Variants in NRG3 observed in about 807,000 individuals in gnomAD.
NRG3 encodes pro-neuregulin-3, membrane-bound isoform.
In NRG3, 31 loss-of-function variants were observed where a neutral mutation model predicts 66.9. The observed-to-expected ratio is 0.46, with a 90% CI of 0.35 to 0.63. The LOEUF (loss-of-function observed/expected upper bound fraction) is 0.63, where lower values mean the gene tolerates loss of function less well. NRG3 is among the 20% of genes least tolerant of loss of function. NRG3 has a pLI of 0.00. For synonymous variants in NRG3, 393 were observed against 359.4 expected (o/e 1.09, Z -1.06); for missense variants, 910 against 878.9 (o/e 1.04, Z -0.45).
At chr10:82,493,276 T>C (rs888198848) in intron 2 of NRG3, among the ~76,000 whole-genome samples, 2 of 152,138 alleles carry the variant, frequency 1.3e-5, no homozygotes, top group African/African-American at 4.8e-5. Context: ...ATGCTCTCCC[T>C]ACCCTGACCT....
intron 1 of NRG3, among the ~76,000 whole-genome samples, chr10:82,098,054 T>C (rs866849116): frequency 9.8e-4 from 144 of 146,802 alleles, no homozygotes; most frequent in East Asian, 8.3e-3. Context: ...GCCACATATA[T>C]ACACACACAC....
chr10:82,010,680 G>A (rs543790986), intron 1 of NRG3, among the ~76,000 whole-genome samples: 1 of 152,272 alleles, frequency 6.6e-6, no homozygotes, highest in African/African-American at 2.4e-5. Context: ...TGAATTACAA[G>A]GCACAGATGG....
At chr10:82,943,138 G>A (rs1201559020) in intron 4 of NRG3, among the ~76,000 whole-genome samples, 2 of 152,100 alleles carry the variant, frequency 1.3e-5, no homozygotes, top group Non-Finnish European at 2.9e-5. Context: ...AAGAGAAAAC[G>A]GAAAAAGGAA....
chr10:82,240,272 A>T, intron 1 of NRG3, among the ~76,000 whole-genome samples: 1 of 152,314 alleles, frequency 6.6e-6, no homozygotes, highest in Admixed American at 6.5e-5. Context: ...ATTAAAGATA[A>T]TTTATTAAAA....
At chr10:82,838,869 T>C (rs760233769) in intron 3 of NRG3, among the ~76,000 whole-genome samples, 1 of 152,260 alleles carries the variant, frequency 6.6e-6, no homozygotes, top group Admixed American at 6.6e-5. Context: ...TTTAATGGAC[T>C]CACAGTTCCA....
intron 1 of NRG3, among the ~76,000 whole-genome samples, chr10:82,073,898 G>T (rs2064944447): frequency 6.6e-6 from 1 of 152,114 alleles, no homozygotes; most frequent in Non-Finnish European, 1.5e-5. Context: ...CATGGTTTTA[G>T]AATTAGAGAT....
intron 1 of NRG3, among the ~76,000 whole-genome samples, chr10:82,107,672 C>A (rs10884204): frequency 6.6e-6 from 1 of 152,048 alleles, no homozygotes; most frequent in Non-Finnish European, 1.5e-5. Context: ...GATCATTACA[C>A]TATTGTTGCA....
intron 4 of NRG3, among the ~76,000 whole-genome samples, chr10:82,905,517 G>GT (rs549231390): frequency 1.6e-4 from 25 of 152,088 alleles, no homozygotes; most frequent in African/African-American, 5.8e-4. Flanking sequence ...TTGTTTCATT[G>GT]TTTTTTGTTT....
chr10:81,962,801 C>G (rs112763463), intron 1 of NRG3, among the ~76,000 whole-genome samples: 2,117 of 152,288 alleles, frequency 0.014, 22 homozygotes, highest in African/African-American at 0.033. Context: ...TGGTCTTGCT[C>G]TCACATGGCA....
chr10:81,936,814 G>A lies in NRG3; in HGVS notation c.823+60651G>A, dbSNP rs184986071. On this transcript the variant is annotated intron_variant, in intron 1 of 8. Coordinates refer to ENST00000372141, the MANE Select transcript of NRG3 (RefSeq NM_001010848.4). ...GTAGGGTCCAAAAGATGAGGGGAGG[G>A]GAAGCCATGTGTAAATTGTGTTTAA... 5.3e-5 allele frequency among the ~76,000 whole-genome samples: 8 copies of A among 151,956 alleles called. 1 individual carries two copies. In the East Asian group the frequency reaches 1.6e-3, roughly 30 times the overall value.
chr10:82,987,151 A>T lies in NRG3; in HGVS notation c.*1546A>T, dbSNP rs1853485596. On this transcript the variant is annotated 3_prime_UTR_variant, in exon 9 of 9. Transcript: ENST00000372141. ...TGAGTTGTTATGTTTACACTGTTTTAAATAAAAAGGCACCGTATTTGAAAG... is the reference window on the plus strand; with the variant it reads ...TGAGTTGTTATGTTTACACTGTTTTTAATAAAAAGGCACCGTATTTGAAAG... 6.6e-6 allele frequency: 1 copy of T among 152,164 alleles called. No individual in the cohort carries two copies. Among genetic ancestry groups the T allele is most frequent in the Admixed American group, 6.5e-5 (1 of 15,284 alleles). 9.4% of individuals were successfully genotyped at this position (152,164 alleles called of 1,614,324 possible).
At chr10:81,921,650 A>T (rs1425712022) in intron 1 of NRG3, among the ~76,000 whole-genome samples, 3 of 152,048 alleles carry the variant, frequency 2.0e-5, no homozygotes, top group African/African-American at 7.2e-5. Context: ...CCAGTGTGTA[A>T]TTTTGACTGC....
intron 2 of NRG3, among the ~76,000 whole-genome samples, chr10:82,605,151 A>G (rs2047883512): frequency 6.6e-6 from 1 of 152,036 alleles, no homozygotes; most frequent in African/African-American, 2.4e-5. Flanking sequence ...ATTTCTCATC[A>G]TTAAGTATGT....
intron 2 of NRG3, among the ~76,000 whole-genome samples, chr10:82,530,111 G>A (rs578153392): frequency 6.6e-6 from 1 of 152,010 alleles, no homozygotes; most frequent in East Asian, 1.9e-4. Context: ...TAATTTCAAC[G>A]CTACAAGAAA....
At chr10:82,488,544 G>C (rs1399515204) in intron 2 of NRG3, among the ~76,000 whole-genome samples, 1 of 152,148 alleles carries the variant, frequency 6.6e-6, no homozygotes, top group East Asian at 1.9e-4. Flanking sequence ...GTACAAAATG[G>C]TAGCTCCAAC....
chr10:82,185,237 T>TAC (rs2073726011), intron 1 of NRG3, among the ~76,000 whole-genome samples: 2 of 152,140 alleles, frequency 1.3e-5, no homozygotes, highest in Admixed American at 6.6e-5. Context: ...TACTGAGCAT[T>TAC]TACTACATGT....
intron 3 of NRG3, among the ~76,000 whole-genome samples, chr10:82,752,467 C>T (rs375205845): frequency 1.3e-5 from 2 of 152,114 alleles, no homozygotes; most frequent in African/African-American, 4.8e-5. Context: ...TTCCACATCT[C>T]GCTTTTTCAT....
Position 81,875,844 on chromosome 10 carries a change from C to T in NRG3, c.504C>T (p.Phe168=), listed in dbSNP as rs765762026. 2 of 1,609,396 alleles carry T rather than the reference C, an allele frequency of 1.2e-6. No homozygotes were observed. The part of the protein sequence containing the change: ...LTTITRAPTR[F]PGHRVPIRAS... The stretch of plus-strand genomic sequence containing the variant: ...CCATCACGCGGGCGCCCACTCGCTT[C>T]CCCGGGCACCGGGTGCCCATCCGGG... Residue 168 remains phenylalanine, a synonymous_variant, in exon 1 of 9, where the codon TTC becomes TTT. Transcript: ENST00000372141. The surrounding 1 kb of genome is among the most constrained non-coding windows in gnomAD (Gnocchi z 5.3).
Position 82,409,018 on chromosome 10 carries a change from G to A in NRG3, c.953+50150G>A, listed in dbSNP as rs529733481. On this transcript the variant is annotated intron_variant, in intron 2 of 8. Transcript: ENST00000372141. ...GGGTGTCTGAAGGGAAATGATAGAT[G>A]GGGAAACCTAGGTGGCCCCATGTAA... Among the ~76,000 whole-genome samples, 4 of 152,238 alleles carry A rather than the reference G, an allele frequency of 2.6e-5. No individual in the cohort carries two copies. In the South Asian group the frequency reaches 8.3e-4, roughly 32 times the overall value.
Sources: allele counts gnomAD v4.1 joint callset (sites outside exome capture counted in the v4.1 genomes callset), GRCh38; gene constraint gnomAD v4.1.1; non-coding constraint Gnocchi (gnomAD v3.1); transcripts MANE v1.5; gene names NCBI Gene and HGNC (gene_info 2026-07-23, HGNC 2026-07-21).